COL18A1: variants seen among roughly 807,000 people sequenced by gnomAD.
COL18A1 encodes the protein collagen type XVIII alpha 1 chain, also known as collagen alpha-1(XVIII) chain.
A neutral mutation model predicts 168.0 loss-of-function variants in COL18A1; 133 were observed. The ratio of observed to expected loss-of-function variants is 0.79; its 90% CI spans 0.69 to 0.91. The LOEUF (loss-of-function observed/expected upper bound fraction) is 0.91. COL18A1 is among the 40% of genes least tolerant of loss of function. COL18A1 has a pLI of 0.00. For missense variants in COL18A1, 2,126 were observed against 1,925.4 expected (o/e 1.10, Z -1.95); for synonymous variants, 949 against 809.0 (o/e 1.17, Z -2.94).
chr21:45,469,768 C>G (rs529940181), intron 3 of COL18A1, among the ~76,000 whole-genome samples: 159 of 152,342 alleles, frequency 1.0e-3, no homozygotes, highest in African/African-American at 3.8e-3. Flanking sequence ...TAATTATTGC[C>G]CAGACAAGGG....
At chr21:45,440,158 T>G (rs2034330748) in intron 2 of COL18A1, among the ~76,000 whole-genome samples, 1 of 151,864 alleles carries the variant, frequency 6.6e-6, no homozygotes, top group Non-Finnish European at 1.5e-5. Flanking sequence ...GAACGTCGGC[T>G]GTGGCTGTGG....
At chr21:45,454,122 G>A (rs1281121571) in intron 2 of COL18A1, among the ~76,000 whole-genome samples, 1 of 152,204 alleles carries the variant, frequency 6.6e-6, no homozygotes, top group Non-Finnish European at 1.5e-5. Context: ...GCAGTGTGGG[G>A]ATTCGTTTTG....
chr21:45,408,026 G>C (rs1339055825), intron 2 of COL18A1: 1 of 152,282 alleles, frequency 6.6e-6, no homozygotes, highest in Non-Finnish European at 1.5e-5. Context: ...GAGTCTTCAG[G>C]ATTCAGATGC....
At chr21:45,461,819 A>G (rs2035059243) in intron 2 of COL18A1, among the ~76,000 whole-genome samples, 1 of 152,240 alleles carries the variant, frequency 6.6e-6, no homozygotes, top group Non-Finnish European at 1.5e-5. Flanking sequence ...TGTTGTTGCA[A>G]TACCAGCTTT....
At chr21:45,452,842 C>T (rs1942412567) in intron 2 of COL18A1, among the ~76,000 whole-genome samples, 1 of 135,624 alleles carries the variant, frequency 7.4e-6, no homozygotes, top group Admixed American at 7.4e-5. Flanking sequence ...CATGTGTAAA[C>T]ATGTATGTAT....
In COL18A1 at chr21:45,504,680, C is replaced by T. The variant is rs572651009; in HGVS notation, c.2868+124C>T. On this transcript the variant is annotated intron_variant, in intron 34 of 41. Transcript: ENST00000651438. ...GAGCTGCCCCTGCAAGCTCAGCAGC[C>T]CCGACATGTCCCTGTCCCCGTGTGG... The T allele has an allele frequency of 5.0e-6, 4 of 803,924 alleles. No homozygotes were observed. In the East Asian group the frequency reaches 8.1e-5, roughly 16 times the overall value. 49.8% of individuals were successfully genotyped at this position (803,924 alleles called of 1,614,324 possible). A position where few individuals can be genotyped will look rare whatever the true frequency, so the allele number is the denominator to read the frequency against.
intron 29 of COL18A1, chr21:45,495,715 TACAC>T (rs1203878843): frequency 2.3e-5 from 10 of 429,384 alleles, no homozygotes; most frequent in Admixed American, 1.4e-4. Flanking sequence ...CGCGCACACA[TACAC>T]GCACACACAC....
At chr21:45,418,025 C>T (rs2033495978) in intron 2 of COL18A1, among the ~76,000 whole-genome samples, 1 of 152,226 alleles carries the variant, frequency 6.6e-6, no homozygotes. Context: ...CCGAGAAGGG[C>T]AGGTGCCTGT....
chr21:45,411,661 T>C (rs987765614), intron 2 of COL18A1, among the ~76,000 whole-genome samples: 3 of 150,516 alleles, frequency 2.0e-5, no homozygotes, highest in Admixed American at 6.6e-5. Context: ...TGAGCAGTCA[T>C]AGGGAACAGT....
intron 3 of COL18A1, among the ~76,000 whole-genome samples, chr21:45,472,034 G>A (rs531888539): frequency 1.1e-3 from 168 of 152,132 alleles, no homozygotes; most frequent in African/African-American, 3.8e-3. Flanking sequence ...AGGAGGCGTC[G>A]GCCCCTCGGG....
intron 32 of COL18A1, among the ~76,000 whole-genome samples, chr21:45,499,355 A>C (rs900107038): frequency 6.6e-6 from 1 of 152,274 alleles, no homozygotes; most frequent in Non-Finnish European, 1.5e-5. Flanking sequence ...TCCCAGCGAC[A>C]GGGAGGTCAG....
chr21:45,492,360 TG>T (rs2036381813), intron 22 of COL18A1, among the ~76,000 whole-genome samples, 174 bp from the exon 23 acceptor site: 1 of 152,204 alleles, frequency 6.6e-6, no homozygotes, highest in South Asian at 2.1e-4. Context: ...CCAGCTGCTC[TG>T]AGCTGAGGGG....
intron 2 of COL18A1, among the ~76,000 whole-genome samples, chr21:45,418,281 G>A (rs1212636450): frequency 6.6e-6 from 1 of 152,230 alleles, no homozygotes; most frequent in Non-Finnish European, 1.5e-5. Context: ...GGCTGCCGAA[G>A]TGGTAGGGTG....
intron 2 of COL18A1, among the ~76,000 whole-genome samples, chr21:45,452,895 G>T (rs1439886854): frequency 6.6e-6 from 1 of 151,908 alleles, no homozygotes. Flanking sequence ...CATGTGACAT[G>T]TGAGCATGTA....
chr21:45,441,627 C>T (rs1452521687), intron 2 of COL18A1, among the ~76,000 whole-genome samples: 2 of 152,238 alleles, frequency 1.3e-5, no homozygotes, highest in Non-Finnish European at 2.9e-5. Flanking sequence ...ATCTCTGCTT[C>T]ACCAGCCGGC....
At chr21:45,421,358 A>G (rs747521345) in intron 2 of COL18A1, 1 of 525,570 alleles carries the variant, frequency 1.9e-6, no homozygotes, top group Non-Finnish European at 3.9e-6. Context: ...CACAGGCCTC[A>G]GGAGAGCTGG....
At position 45,423,730 on chromosome 21, in the gene COL18A1, G is replaced by A. The variant is rs74673807; in HGVS notation, c.106+18257G>A. On this transcript the variant is annotated intron_variant, in intron 2 of 41. Coordinates refer to ENST00000651438, the MANE Select transcript of COL18A1 (RefSeq NM_001379500.1). The surrounding 1 kb of genome is among the most constrained non-coding windows in gnomAD (Gnocchi z 4.0). ...GCCGGCCAGAGCTCCCCAGTGTTTG[G>A]AGGATAGCTTGGTTTTCTCCCTGAG... 4,950 of 152,372 alleles carry A rather than the reference G, an allele frequency of 0.032. 293 individuals are homozygous for A. The highest frequency in any genetic ancestry group is 0.19 in the East Asian group (1,004 of 5,172). The allele number at this position is 152,372 out of a possible 1,614,324, so 9.4% of individuals were successfully genotyped here. A position where few individuals can be genotyped will look rare whatever the true frequency, so the allele number is the denominator to read the frequency against.
intron 26 of COL18A1, 121 bp downstream of exon 26, chr21:45,493,696 C>G (rs1214299850): frequency 1.3e-6 from 1 of 779,236 alleles, no homozygotes; most frequent in Non-Finnish European, 2.1e-6. Flanking sequence ...AAGCAGGGCT[C>G]TACCATCCAG....
rs2034429232 is a variant in COL18A1 at position 45,443,195 on chromosome 21, C to T, written c.107-25047C>T. On this transcript the variant is annotated intron_variant, in intron 2 of 41. Coordinates refer to ENST00000651438, the MANE Select transcript of COL18A1 (RefSeq NM_001379500.1). This position sits in a 1 kb window ranked among gnomAD's most constrained non-coding sequence, Gnocchi z 5.2. ...GTGGATTCCTGGAGGACAGCTGGGT[C>T]TTGCATCCAGCACAGGTCCTGGTGC... Among the ~76,000 whole-genome samples, 1 of 151,426 alleles carries T rather than the reference C, an allele frequency of 6.6e-6. No homozygotes were observed. Among genetic ancestry groups the T allele is most frequent in the Non-Finnish European group, 1.5e-5 (1 of 67,906 alleles).
Sources: gnomAD v4.1 joint callset for allele counts (sites outside exome capture counted in the v4.1 genomes callset) on GRCh38, gnomAD v4.1.1 for gene constraint, Gnocchi (gnomAD v3.1) non-coding constraint, MANE v1.5 for transcripts, NCBI Gene and HGNC (gene_info 2026-07-23, HGNC 2026-07-21) for gene names.